The following DLG2 variants were observed in gnomAD, a reference collection of about 807,000 sequenced individuals.
DLG2 encodes the protein disks large homolog 2.
DLG2 carries 45 observed loss-of-function variants against 132.5 expected under a neutral mutation model. The ratio of observed to expected loss-of-function variants is 0.34; its 90% CI spans 0.27 to 0.44. The LOEUF (loss-of-function observed/expected upper bound fraction) is 0.44. DLG2 is among the 20% of genes least tolerant of loss of function. The probability of loss-of-function intolerance (pLI) is 1.00; values close to 1 mark genes in which losing one functional copy is unlikely to be tolerated. For synonymous variants in DLG2, 424 were observed against 419.6 expected, an observed-to-expected ratio of 1.01 and a Z score of -0.13; for missense variants, 1,045 against 1,196.9, an observed-to-expected ratio of 0.87 and a Z score of 1.87.
intron 2 of DLG2, among the ~76,000 whole-genome samples, chr11:85,602,761 C>G (rs2080257693): frequency 6.6e-6 from 1 of 152,200 alleles, no homozygotes; most frequent in Non-Finnish European, 1.5e-5. Context: ...CTTGCTCAAT[C>G]TACTCCAACC....
At chr11:85,506,223 T>C (rs2093929967) in intron 3 of DLG2, among the ~76,000 whole-genome samples, 1 of 152,236 alleles carries the variant, frequency 6.6e-6, no homozygotes, top group Non-Finnish European at 1.5e-5. Context: ...CCTTCAGTTC[T>C]GCTCTGATCT....
chr11:83,626,183 T>G (rs1339740345), intron 19 of DLG2, among the ~76,000 whole-genome samples: 1 of 152,178 alleles, frequency 6.6e-6, no homozygotes, highest in Admixed American at 6.6e-5. Flanking sequence ...CAGGTGAGTT[T>G]CAAATATTAG....
chr11:84,795,572 G>A (rs1248125865), intron 6 of DLG2, among the ~76,000 whole-genome samples: 1 of 152,092 alleles, frequency 6.6e-6, no homozygotes, highest in Non-Finnish European at 1.5e-5. Context: ...GCTTGTCTGT[G>A]TACCTAGACA....
chr11:85,395,584 C>G (rs545836925), intron 3 of DLG2, among the ~76,000 whole-genome samples: 33 of 152,310 alleles, frequency 2.2e-4, no homozygotes, highest in South Asian at 4.1e-4. Flanking sequence ...TCCTAGCAAC[C>G]AGCAGACCAG....
intron 11 of DLG2, among the ~76,000 whole-genome samples, chr11:84,029,583 T>C (rs1172834752): frequency 1.3e-5 from 2 of 152,084 alleles, no homozygotes; most frequent in African/African-American, 2.4e-5. Context: ...GTGATATGAA[T>C]AATACAGTAA....
intron 16 of DLG2, among the ~76,000 whole-genome samples, chr11:83,836,745 AG>A (rs2056279494): frequency 6.6e-6 from 1 of 152,222 alleles, no homozygotes; most frequent in Admixed American, 6.5e-5. Flanking sequence ...TTAATCCTGC[AG>A]GGCCTTGTAG....
chr11:85,006,137 T>C (rs933615483), intron 6 of DLG2, among the ~76,000 whole-genome samples: 3 of 152,210 alleles, frequency 2.0e-5, no homozygotes, highest in Non-Finnish European at 2.9e-5. Context: ...CATAGTTTAT[T>C]GAGGATTTTT....
chr11:83,996,188 AAGAC>A (rs1237976599), intron 11 of DLG2, among the ~76,000 whole-genome samples: 5 of 152,196 alleles, frequency 3.3e-5, no homozygotes, highest in African/African-American at 7.2e-5. Context: ...TTCTTAAAGG[AAGAC>A]AGACAGACAG....
At chr11:83,743,972 G>A (rs2092729857) in intron 18 of DLG2, among the ~76,000 whole-genome samples, 1 of 152,148 alleles carries the variant, frequency 6.6e-6, no homozygotes, top group Non-Finnish European at 1.5e-5. Context: ...GCTGGAAAAT[G>A]AAAAACTACA....
chr11:85,369,255 G>A (rs2084787871), intron 3 of DLG2, among the ~76,000 whole-genome samples: 1 of 151,990 alleles, frequency 6.6e-6, no homozygotes, highest in Admixed American at 6.6e-5. Context: ...TATGGCCCAA[G>A]GGTCCCACAC....
At chr11:85,138,625 G>A (rs1213895296) in intron 5 of DLG2, among the ~76,000 whole-genome samples, 1 of 152,084 alleles carries the variant, frequency 6.6e-6, no homozygotes, top group Non-Finnish European at 1.5e-5. Flanking sequence ...AGGGACCCAC[G>A]GGAAGTAATT....
rs12574535 is a variant in DLG2, at chr11:84,644,243, A to G, written c.358-109512T>C. On this transcript the variant is annotated intron_variant, in intron 6 of 27. Transcript: ENST00000376104. The stretch of plus-strand genomic sequence containing the variant: ...TTCACATGGAATGATCCTCAACCCA[A>G]TTCAGAAGAATGAGAGGCTCATATC... 0.01 allele frequency among the ~76,000 whole-genome samples: 1,563 copies of G among 152,216 alleles called. 130 individuals carry two copies. The East Asian group carries it at 0.21, about 20-fold the overall frequency.
At chr11:85,240,183 T>C (rs1211183978) in intron 4 of DLG2, among the ~76,000 whole-genome samples, 1 of 151,934 alleles carries the variant, frequency 6.6e-6, no homozygotes, top group African/African-American at 2.4e-5. Flanking sequence ...TGGCTACTTA[T>C]GTTTCCTCAT....
intron 3 of DLG2, among the ~76,000 whole-genome samples, chr11:85,366,647 AG>A: frequency 6.6e-6 from 1 of 152,158 alleles, no homozygotes; most frequent in East Asian, 1.9e-4. Flanking sequence ...AGAAATTGTT[AG>A]CCATATCTCA....
intron 7 of DLG2, among the ~76,000 whole-genome samples, chr11:84,446,456 G>T (rs182911994): frequency 6.6e-6 from 1 of 152,096 alleles, no homozygotes; most frequent in East Asian, 1.9e-4. Flanking sequence ...AGTTTCTGTG[G>T]GAGTCCCTGC....
At chr11:85,277,716 T>A (rs1188090626) in intron 4 of DLG2, among the ~76,000 whole-genome samples, 1 of 152,174 alleles carries the variant, frequency 6.6e-6, no homozygotes, top group East Asian at 1.9e-4. Flanking sequence ...CTAAATTTAA[T>A]TTGATTTTCT....
rs530526071 is a variant in DLG2 at position 83,652,744 on chromosome 11, T to C, written c.1826-19419A>G. ...ATTCACAATTAATGACACCTGAGGG[T>C]AGCCCTTCTGTGTATAGTGTCATAT... On this transcript the variant is annotated intron_variant, in intron 18 of 27. Coordinates refer to ENST00000376104, the MANE Select transcript of DLG2 (RefSeq NM_001142699.3). Among the ~76,000 whole-genome samples the C allele has an allele frequency of 3.9e-5, 6 of 152,316 alleles. No individual in the cohort carries two copies. In the East Asian group the frequency reaches 9.6e-4, roughly 24 times the overall value.
intron 6 of DLG2, among the ~76,000 whole-genome samples, chr11:85,105,858 C>A (rs1316746125): frequency 6.6e-6 from 1 of 151,728 alleles, no homozygotes; most frequent in Non-Finnish European, 1.5e-5. Flanking sequence ...ACCCAGAGAG[C>A]AGACACAACA....
intron 6 of DLG2, among the ~76,000 whole-genome samples, chr11:84,827,017 T>G (rs2153988215): frequency 6.6e-6 from 1 of 151,910 alleles, no homozygotes; most frequent in Middle Eastern, 3.4e-3. Context: ...ACTCAATTTT[T>G]TTACTATCTT....
Sources: gnomAD v4.1 joint callset for allele counts (sites outside exome capture counted in the v4.1 genomes callset) on GRCh38, gnomAD v4.1.1 for gene constraint, MANE v1.5 for transcripts, NCBI Gene and HGNC (gene_info 2026-07-23, HGNC 2026-07-21) for gene names.